NKAIN3: variants seen among roughly 807,000 people sequenced by gnomAD.
NKAIN3 encodes the protein sodium/potassium transporting ATPase interacting 3, also known as sodium/potassium-transporting ATPase subunit beta-1-interacting protein 3.
NKAIN3 carries 25 observed loss-of-function variants against 30.2 expected under a neutral mutation model. The ratio of observed to expected loss-of-function variants is 0.83; its 90% confidence interval spans 0.60 to 1.16. The LOEUF is 1.16. NKAIN3 is among the 50% of genes most tolerant of loss of function. The probability of loss-of-function intolerance (pLI) is 0.00; values close to 1 mark genes in which losing one functional copy is unlikely to be tolerated. For missense variants in NKAIN3, 225 were observed against 254.1 expected (o/e 0.89, Z 0.78); for synonymous variants, 91 against 89.6 (o/e 1.02, Z -0.09).
At chr8:62,757,444 C>G (rs1385980349) in intron 4 of NKAIN3, among the ~76,000 whole-genome samples, 1 of 152,162 alleles carries the variant, frequency 6.6e-6, no homozygotes, top group Non-Finnish European at 1.5e-5. Context: ...TGTAAGAGCA[C>G]TATGCTGAGA....
intron 5 of NKAIN3, among the ~76,000 whole-genome samples, chr8:62,932,712 C>T (rs768715968): frequency 9.2e-5 from 14 of 152,078 alleles, no homozygotes; most frequent in Non-Finnish European, 1.9e-4. Context: ...CTATTTCATA[C>T]TTGGCACTCA....
At chr8:62,491,349 T>G (rs1807059770) in intron 1 of NKAIN3, among the ~76,000 whole-genome samples, 1 of 152,158 alleles carries the variant, frequency 6.6e-6, no homozygotes, top group Admixed American at 6.5e-5. Context: ...CTCCATGTTG[T>G]CTCCATTGTT....
chr8:62,934,812 A>G (rs1563635086), intron 5 of NKAIN3, among the ~76,000 whole-genome samples: 1 of 152,162 alleles, frequency 6.6e-6, no homozygotes, highest in Non-Finnish European at 1.5e-5. Flanking sequence ...GAGAGATCTT[A>G]TCTCATGGTT....
At chr8:62,511,246 T>C (rs1186721633) in intron 1 of NKAIN3, among the ~76,000 whole-genome samples, 1 of 152,178 alleles carries the variant, frequency 6.6e-6, no homozygotes, top group African/African-American at 2.4e-5. Context: ...CTCTGCAGTC[T>C]AGTTCCTACC....
chr8:62,428,247 A>G (rs1266879767), intron 1 of NKAIN3, among the ~76,000 whole-genome samples: 3 of 151,918 alleles, frequency 2.0e-5, no homozygotes, highest in Non-Finnish European at 2.9e-5. Flanking sequence ...CATCCATTGA[A>G]GGGCACATAA....
chr8:62,425,384 A>C (rs1157432531), intron 1 of NKAIN3, among the ~76,000 whole-genome samples: 2 of 151,938 alleles, frequency 1.3e-5, no homozygotes, highest in Non-Finnish European at 2.9e-5. Flanking sequence ...GCATTGGAGT[A>C]AACAAGATAC....
At chr8:62,479,585 A>C (rs777426859) in intron 1 of NKAIN3, among the ~76,000 whole-genome samples, 1 of 152,166 alleles carries the variant, frequency 6.6e-6, no homozygotes, top group Non-Finnish European at 1.5e-5. Flanking sequence ...TGAAAATAAA[A>C]GATCAGTTTT....
intron 1 of NKAIN3, among the ~76,000 whole-genome samples, chr8:62,278,851 G>A (rs1813063542): frequency 1.3e-5 from 2 of 152,182 alleles, no homozygotes; most frequent in Admixed American, 1.3e-4. Flanking sequence ...GTATGCATGT[G>A]TCTTTATAGC....
chr8:62,479,797 A>G (rs139207415), intron 1 of NKAIN3, among the ~76,000 whole-genome samples: 2,325 of 152,254 alleles, frequency 0.015, 71 homozygotes, highest in African/African-American at 0.054. Context: ...CCAGAAGTAA[A>G]TAAACCTTAG....
intron 1 of NKAIN3, among the ~76,000 whole-genome samples, chr8:62,282,146 C>T (rs1813219501): frequency 6.6e-6 from 1 of 152,086 alleles, no homozygotes; most frequent in Admixed American, 6.6e-5. Flanking sequence ...CCCTGGGTTT[C>T]TCATGTGGTC....
In NKAIN3 at chr8:62,919,226, A is replaced by ATTTT. The variant is rs1415475110; in HGVS notation, c.532+713_532+714insTTTT. Among the ~76,000 whole-genome samples the ATTTT allele has an allele frequency of 5.6e-3, 496 of 88,140 alleles. 4 individuals carry two copies. The highest frequency in any genetic ancestry group is 9.5e-3 in the East Asian group (25 of 2,644). 57.8% of individuals were successfully genotyped at this position (88,140 alleles called of 152,430 possible). A position where few individuals can be genotyped will look rare whatever the true frequency, so the allele number is the denominator to read the frequency against. On this transcript the variant is annotated intron_variant, in intron 5 of 6. Coordinates refer to ENST00000623646, the MANE Select transcript of NKAIN3 (RefSeq NM_001304533.3). The stretch of plus-strand genomic sequence containing the variant: ...CTCACTTTTTTTTATTTACTTTCAA[A>ATTTT]ATTTTTTTTTTTTTTTTTTTTTTTT...
chr8:62,961,736 A>C (rs1175644474), intron 6 of NKAIN3, among the ~76,000 whole-genome samples: 1 of 152,164 alleles, frequency 6.6e-6, no homozygotes, highest in East Asian at 1.9e-4. Flanking sequence ...AACTCTTCAG[A>C]AATCAGTACT....
intron 4 of NKAIN3, chr8:62,857,108 TA>T: frequency 2.4e-6 from 1 of 412,726 alleles, no homozygotes; most frequent in Admixed American, 3.2e-5. Flanking sequence ...CACTTTGGTG[TA>T]GGGAAGTGAC....
chr8:62,677,389 T>C (rs1813510898), intron 3 of NKAIN3, among the ~76,000 whole-genome samples: 1 of 152,146 alleles, frequency 6.6e-6, no homozygotes, highest in South Asian at 2.1e-4. Flanking sequence ...TTATAGAGTA[T>C]TGGATGTGAG....
chr8:62,827,080 A>T (rs557048639), intron 4 of NKAIN3, among the ~76,000 whole-genome samples: 16 of 152,210 alleles, frequency 1.1e-4, no homozygotes, highest in Admixed American at 2.6e-4. Flanking sequence ...TAGTAAATAA[A>T]CAATTTCCCA....
chr8:62,270,131 G>A (rs1812735634), intron 1 of NKAIN3, among the ~76,000 whole-genome samples: 1 of 152,074 alleles, frequency 6.6e-6, no homozygotes, highest in Non-Finnish European at 1.5e-5. Context: ...CAGCACTGGA[G>A]TGCAGTGGTA....
At chr8:62,330,645 C>A in intron 1 of NKAIN3, among the ~76,000 whole-genome samples, 1 of 151,980 alleles carries the variant, frequency 6.6e-6, no homozygotes. Flanking sequence ...AAATACCTCC[C>A]TTTCCCTTGT....
At chr8:62,386,780 A>G (rs1035640914) in intron 1 of NKAIN3, among the ~76,000 whole-genome samples, 4 of 152,154 alleles carry the variant, frequency 2.6e-5, no homozygotes, top group Non-Finnish European at 5.9e-5. Context: ...TATGGCCATG[A>G]GCAAGTTATC....
intron 5 of NKAIN3, among the ~76,000 whole-genome samples, chr8:62,920,780 A>G (rs539994058): frequency 1.2e-3 from 184 of 152,344 alleles, no homozygotes; most frequent in Non-Finnish European, 2.4e-3. Flanking sequence ...TCATCAATTC[A>G]AATTGACTCA....
Sources: gnomAD v4.1 joint callset for allele counts (sites outside exome capture counted in the v4.1 genomes callset) on GRCh38, gnomAD v4.1.1 for gene constraint, MANE v1.5 for transcripts, NCBI Gene and HGNC (gene_info 2026-07-23, HGNC 2026-07-21) for gene names.